The following TMEM87B variants were observed in gnomAD, a reference collection of about 807,000 sequenced individuals.
The protein encoded by TMEM87B is transmembrane protein 87B.
In TMEM87B, 83 loss-of-function variants were observed where a neutral mutation model predicts 80.3. That is an observed-to-expected ratio of 1.03 (90% CI 0.87 to 1.24). TMEM87B has a LOEUF of 1.24. TMEM87B is among the 50% of genes most tolerant of loss of function. The pLI is 0.00. For missense variants in TMEM87B, 625 were observed against 674.4 expected (o/e 0.93, Z 0.81); for synonymous variants, 219 against 230.5 (o/e 0.95, Z 0.45).
chr2:112,059,486 T>C (rs1678179312), intron 1 of TMEM87B, among the ~76,000 whole-genome samples: 2 of 152,072 alleles, frequency 1.3e-5, no homozygotes. Flanking sequence ...AAGAATATCA[T>C]GCTTTTCTGG....
chr2:112,088,986 C>G (rs1295121493), intron 9 of TMEM87B, among the ~76,000 whole-genome samples: 1 of 152,152 alleles, frequency 6.6e-6, no homozygotes, highest in South Asian at 2.1e-4. Flanking sequence ...GTCTCGAACT[C>G]CTGAGCTCAA....
intron 17 of TMEM87B, among the ~76,000 whole-genome samples, chr2:112,109,021 T>A (rs182863863): frequency 1.3e-5 from 2 of 152,336 alleles, no homozygotes; most frequent in African/African-American, 4.8e-5. Context: ...TATGAAGTGA[T>A]ATGTCATCGC....
chr2:112,064,232 CA>C lies in TMEM87B; in HGVS notation c.299del (p.Asn100MetfsTer25), dbSNP rs781341500. The C allele has an allele frequency of 1.5e-5, 24 of 1,613,574 alleles. No individual in the cohort carries two copies. The African/African-American group carries it at 2.8e-4, about 19-fold the overall frequency. On this transcript the variant is annotated frameshift_variant, in exon 3 of 19. Coordinates refer to ENST00000283206, the MANE Select transcript of TMEM87B (RefSeq NM_032824.3). LOFTEE classifies it high-confidence loss of function. ...GGCATTTGAAGTATCATACCTGTCA[CA>C]ATGAGCATTCTAATCTGGAAGTAAG... is the stretch of plus-strand genomic sequence containing the variant. ...VWHLKYHTCH[N>X]EHSNLEELFQ...
At position 112,074,951 on chromosome 2, in the gene TMEM87B, G is replaced by A. The variant is rs777365553; in HGVS notation, c.490G>A (p.Glu164Lys). Residue 164 changes from glutamate (E) to lysine (K), a missense_variant, in exon 5 of 19, where the codon GAA becomes AAA. Physicochemically the swap from Glu to Lys is moderately conservative, Grantham distance 56. Transcript: ENST00000283206. ...AAATATCAGAAATGTTTCAAACCAG[G>A]AAAGATCAATGGTAAGCAGTTTGAT... is the stretch of plus-strand genomic sequence containing the variant. ...LINIRNVSNQ[E>K]RSMDVVARTQ... is the part of the protein sequence containing the mutation. The A allele has an allele frequency of 1.5e-5, 23 of 1,564,118 alleles. No individual in the cohort carries two copies. Among genetic ancestry groups the A allele is most frequent in the Admixed American group, 1.8e-5 (1 of 54,896 alleles).
intron 11 of TMEM87B, chr2:112,095,209 TTTTG>T: frequency 1.3e-6 from 1 of 791,478 alleles, no homozygotes; most frequent in Admixed American, 9.6e-5. Flanking sequence ...TTTTTTTTTT[TTTTG>T]CTGTTTTGCT....
In TMEM87B at chr2:112,055,938, C is replaced by T. The variant is rs538653317; in HGVS notation, c.165+182C>T. ...AGCGGGGAGCGGCCCCTCCTCCGGC[C>T]CGACCTGGGCTGCAGGCAAGAGCCG... On this transcript the variant is annotated intron_variant, in intron 1 of 18. Transcript: ENST00000283206. Among the ~76,000 whole-genome samples, 7 of 152,346 alleles carry T rather than the reference C, an allele frequency of 4.6e-5. No individual in the cohort carries two copies. The South Asian group carries it at 1.4e-3, about 32-fold the overall frequency.
intron 15 of TMEM87B, among the ~76,000 whole-genome samples, chr2:112,104,120 T>C (rs1679702315): frequency 6.6e-6 from 1 of 152,210 alleles, no homozygotes; most frequent in South Asian, 2.1e-4. Context: ...TGGAAAAGCT[T>C]CAACTGTTAT....
At chr2:112,060,494 T>G (rs765836473) in intron 2 of TMEM87B, among the ~76,000 whole-genome samples, 101 of 152,172 alleles carry the variant, frequency 6.6e-4, no homozygotes, top group Non-Finnish European at 1.1e-3. Flanking sequence ...TTTAAGGTTT[T>G]GTTTTGTTTC....
At chr2:112,071,480 T>C (rs1316843239) in intron 4 of TMEM87B, among the ~76,000 whole-genome samples, 2 of 152,122 alleles carry the variant, frequency 1.3e-5, no homozygotes, top group Non-Finnish European at 2.9e-5. Flanking sequence ...TTTTGAATTT[T>C]TTTTTTAGTA....
chr2:112,093,426 A>T (rs1441872084), intron 11 of TMEM87B, among the ~76,000 whole-genome samples: 3 of 152,216 alleles, frequency 2.0e-5, no homozygotes, highest in Non-Finnish European at 4.4e-5. Flanking sequence ...CAGAACACAG[A>T]CACAAGGAGC....
rs556519749 is a variant in TMEM87B at position 112,092,543 on chromosome 2, G to A, written c.1104+760G>A. 5.3e-5 allele frequency among the ~76,000 whole-genome samples: 8 copies of A among 152,326 alleles called. No homozygotes were observed. In the South Asian group the frequency reaches 1.4e-3, roughly 28 times the overall value. ...ATGACGTGGGAAAGGAGAGTCTAGA[G>A]GCAGGAAGGTGAGTCAGTATTCCTT... On this transcript the variant is annotated intron_variant, in intron 11 of 18. Transcript: ENST00000283206.
chr2:112,097,201 T>C (rs764673576), intron 12 of TMEM87B, 32 bp from the exon 13 acceptor site: 2 of 1,604,480 alleles, frequency 1.2e-6, no homozygotes, highest in Non-Finnish European at 8.5e-7. Flanking sequence ...TATTGTTATA[T>C]TCCTTCAAAG....
chr2:112,056,565 G>A (rs1397049931), intron 1 of TMEM87B, among the ~76,000 whole-genome samples: 1 of 152,156 alleles, frequency 6.6e-6, no homozygotes, highest in Non-Finnish European at 1.5e-5. Flanking sequence ...CATTATCTCC[G>A]GCTTCTCTGG....
At chr2:112,097,411 T>G (rs1679503177) in intron 13 of TMEM87B, 120 bp downstream of exon 13, 1 of 951,554 alleles carries the variant, frequency 1.1e-6, no homozygotes, top group Non-Finnish European at 1.5e-6. Context: ...TGTTTTTACT[T>G]TGAACTATTT....
chr2:112,088,130 G>C (rs1275667048), intron 9 of TMEM87B, among the ~76,000 whole-genome samples: 1 of 152,210 alleles, frequency 6.6e-6, no homozygotes, highest in African/African-American at 2.4e-5. Flanking sequence ...GAGTTAGCAG[G>C]ATTTTATCCT....
chr2:112,092,509 CAGA>C (rs927024703), intron 11 of TMEM87B, among the ~76,000 whole-genome samples: 11 of 152,214 alleles, frequency 7.2e-5, no homozygotes, highest in African/African-American at 2.6e-4. Context: ...ACTCTGGTGA[CAGA>C]AGAAGATGAC....
chr2:112,096,012 C>T (rs1291705921), intron 11 of TMEM87B, among the ~76,000 whole-genome samples: 1 of 151,918 alleles, frequency 6.6e-6, no homozygotes, highest in Non-Finnish European at 1.5e-5. Context: ...AAGACACCCC[C>T]CTCCAAACCC....
At position 112,106,002 on chromosome 2, in the gene TMEM87B, C is replaced by A. The variant is rs747894939; in HGVS notation, c.1451C>A (p.Thr484Asn). ...TATATGTTTATAATGTCTCTCGTAGCCGAAGGAATAAAATTAAGAGCCTCA... is the reference window on the plus strand; with the variant it reads ...TATATGTTTATAATGTCTCTCGTAGACGAAGGAATAAAATTAAGAGCCTCA... ...EEFMVTSENL[T>N]EGIKLRASKS... Residue 484 changes from threonine to asparagine, a missense_variant and splice_region_variant, in exon 16 of 19, where the codon ACC becomes AAC. Physicochemically the swap from Thr to Asn is moderately conservative, Grantham distance 65. Coordinates refer to ENST00000283206, the MANE Select transcript of TMEM87B (RefSeq NM_032824.3). The A allele has an allele frequency of 6.4e-7, 1 of 1,562,216 alleles. No individual in the cohort carries two copies. The highest frequency in any genetic ancestry group is 8.6e-7 in the Non-Finnish European group (1 of 1,159,804).
intron 17 of TMEM87B, among the ~76,000 whole-genome samples, chr2:112,111,173 G>GT (rs754621850): frequency 1.1e-4 from 16 of 152,246 alleles, no homozygotes; most frequent in Non-Finnish European, 1.9e-4. Context: ...GTCTTTTGTG[G>GT]TTTTGTTTGT....
Sources: gnomAD v4.1 joint callset for allele counts (sites outside exome capture counted in the v4.1 genomes callset) on GRCh38, gnomAD v4.1.1 for gene constraint, MANE v1.5 for transcripts, NCBI Gene and HGNC (gene_info 2026-07-23, HGNC 2026-07-21) for gene names.